EML5: variants seen among roughly 807,000 people sequenced by gnomAD.
EML5 encodes the protein EMAP like 5, also known as echinoderm microtubule-associated protein-like 5.
Under a neutral mutation model 250.0 loss-of-function variants are expected in EML5, and 120 were observed. The observed-to-expected ratio is 0.48, with a 90% confidence interval of 0.41 to 0.56. The LOEUF (loss-of-function observed/expected upper bound fraction) is 0.56, where lower values mean the gene tolerates loss of function less well. EML5 is among the 20% of genes least tolerant of loss of function. The pLI is 0.00. For synonymous variants in EML5, 771 were observed against 806.5 expected (o/e 0.96, Z 0.75); for missense variants, 2,006 against 2,437.6 (o/e 0.82, Z 3.73).
At chr14:88,619,083 A>G (rs2088328576) in intron 39 of EML5, 1 of 240,270 alleles carries the variant, frequency 4.2e-6, no homozygotes. Flanking sequence ...AAACTTTCTT[A>G]GGCCAGGCCC....
chr14:88,779,838 T>C (rs1231937870), intron 1 of EML5, among the ~76,000 whole-genome samples: 1 of 152,234 alleles, frequency 6.6e-6, no homozygotes, highest in Non-Finnish European at 1.5e-5. Flanking sequence ...AATGCATATA[T>C]GATACATTGT....
intron 21 of EML5, among the ~76,000 whole-genome samples, chr14:88,674,346 A>T (rs2092545202): frequency 6.6e-6 from 1 of 152,202 alleles, no homozygotes; most frequent in Admixed American, 6.6e-5. Flanking sequence ...ATTGACTCAC[A>T]GTTCTGTATT....
chr14:88,622,257 G>A (rs888794201), intron 37 of EML5: 3 of 188,070 alleles, frequency 1.6e-5, no homozygotes, highest in African/African-American at 2.3e-5. Flanking sequence ...TTTACTGCAC[G>A]TTTTATCTAG....
chr14:88,716,140 T>G (rs1351355466), intron 8 of EML5, among the ~76,000 whole-genome samples: 2 of 152,156 alleles, frequency 1.3e-5, no homozygotes, highest in Non-Finnish European at 2.9e-5. Context: ...CTGTTACACA[T>G]GTGCAAGAAT....
intron 10 of EML5, among the ~76,000 whole-genome samples, chr14:88,707,093 G>C (rs1418722581): frequency 6.6e-6 from 1 of 152,002 alleles, no homozygotes; most frequent in Non-Finnish European, 1.5e-5. Context: ...TTTGGGTAAG[G>C]GCAATGTTGT....
intron 29 of EML5, among the ~76,000 whole-genome samples, chr14:88,646,562 C>T (rs2140721263): frequency 6.6e-6 from 1 of 152,044 alleles, no homozygotes; most frequent in Non-Finnish European, 1.5e-5. Context: ...TAAATGTAAC[C>T]CAAACAATAA....
chr14:88,711,947 A>C (rs1158645487), intron 10 of EML5, among the ~76,000 whole-genome samples: 1 of 152,088 alleles, frequency 6.6e-6, no homozygotes, highest in African/African-American at 2.4e-5. Flanking sequence ...TGTCTCAAAA[A>C]AAAAAAAAAA....
intron 2 of EML5, among the ~76,000 whole-genome samples, chr14:88,749,329 T>G (rs566944830): frequency 6.6e-6 from 1 of 152,274 alleles, no homozygotes; most frequent in East Asian, 1.9e-4. Flanking sequence ...AATTGTATAC[T>G]AAGCAAAAAT....
At chr14:88,660,494 G>C (rs2092048984) in intron 25 of EML5, among the ~76,000 whole-genome samples, 1 of 152,098 alleles carries the variant, frequency 6.6e-6, no homozygotes, top group Non-Finnish European at 1.5e-5. Context: ...TGTAATCCTA[G>C]TACTTTGGGA....
intron 14 of EML5, among the ~76,000 whole-genome samples, chr14:88,697,688 ATAAT>A (rs1371619536): frequency 3.9e-5 from 6 of 152,288 alleles, no homozygotes; most frequent in Middle Eastern, 3.4e-3. Flanking sequence ...AACTCCTGAA[ATAAT>A]TAATAGAGCT....
Position 88,620,584 on chromosome 14 carries a change from C to T in EML5, c.5375+170G>A, listed in dbSNP as rs1555416263. On this transcript the variant is annotated intron_variant, in intron 39 of 43. Coordinates refer to ENST00000554922, the MANE Select transcript of EML5 (RefSeq NM_183387.3). The surrounding 1 kb of genome is among the most constrained non-coding windows in gnomAD (Gnocchi z 4.3). ...GGTGCCCAGTGGGTTTATAATTTAG[C>T]AAGAAGAATTAAGTAGTATACAAAC... The T allele has an allele frequency of 1.9e-6, 1 of 514,328 alleles. No homozygotes were observed. The highest frequency in any genetic ancestry group is 3.2e-6 in the Non-Finnish European group (1 of 314,354). The allele number at this position is 514,328 out of a possible 1,614,324, so 31.9% of individuals were successfully genotyped here.
intron 37 of EML5, chr14:88,622,064 A>G (rs1407103442): frequency 6.6e-6 from 2 of 303,680 alleles, no homozygotes; most frequent in South Asian, 5.6e-5. Context: ...AGTAACCACT[A>G]TTCTACTCTC....
intron 8 of EML5, among the ~76,000 whole-genome samples, chr14:88,715,714 G>C (rs186741864): frequency 2.7e-5 from 4 of 150,778 alleles, no homozygotes; most frequent in Admixed American, 2.6e-4. Context: ...CTGGAGTCCA[G>C]TGGCATGATC....
intron 9 of EML5, among the ~76,000 whole-genome samples, chr14:88,713,996 C>A (rs35093358): frequency 1.3e-5 from 2 of 151,548 alleles, no homozygotes; most frequent in African/African-American, 4.8e-5. Flanking sequence ...TACCACCATG[C>A]CTGGCTAGTT....
intron 1 of EML5, among the ~76,000 whole-genome samples, chr14:88,776,296 CAG>C (rs1227968585): frequency 6.6e-6 from 1 of 152,078 alleles, no homozygotes; most frequent in Non-Finnish European, 1.5e-5. Flanking sequence ...CCTGGAGGAA[CAG>C]AGAGATGTGG....
chr14:88,636,384 T>G (rs747906089), intron 32 of EML5, among the ~76,000 whole-genome samples: 2 of 152,154 alleles, frequency 1.3e-5, no homozygotes, highest in Admixed American at 6.5e-5. Flanking sequence ...AGCAAAAGGC[T>G]GGGCACGGTG....
chr14:88,674,141 T>G (rs773512579), intron 21 of EML5, among the ~76,000 whole-genome samples: 3 of 152,090 alleles, frequency 2.0e-5, no homozygotes, highest in Non-Finnish European at 4.4e-5. Flanking sequence ...TGGTAGCGCA[T>G]GTCTGTAATC....
chr14:88,618,267 T>C lies in EML5; in HGVS notation c.5603A>G (p.His1868Arg), dbSNP rs1423968239. 1 of 1,613,740 alleles carries C rather than the reference T, an allele frequency of 6.2e-7. No homozygotes were observed. The highest frequency in any genetic ancestry group is 8.5e-7 in the Non-Finnish European group (1 of 1,179,862). The change falls in exon 41 of 44, where the codon CAT becomes CGT. Residue 1868 changes from histidine to arginine, a missense_variant. This residue lies in a region of EML5 where 405 missense variants were observed against 523.3 expected (regional missense o/e 0.77). Coordinates refer to ENST00000554922, the MANE Select transcript of EML5 (RefSeq NM_183387.3). ...EVPSGKHLMD[H>R]AAIDRITWAT... ...CCAAGTAATTCTGTCAATAGCGGCA[T>C]GATCCATAAGATGTTTTCCTGAAGG... is the stretch of plus-strand genomic sequence containing the variant.
intron 21 of EML5, among the ~76,000 whole-genome samples, chr14:88,678,919 T>C (rs1425750328): frequency 6.6e-6 from 1 of 152,068 alleles, no homozygotes; most frequent in Non-Finnish European, 1.5e-5. Flanking sequence ...AGACTAGAAA[T>C]CTGAAATCAA....
Sources: gnomAD v4.1 joint callset for allele counts (sites outside exome capture counted in the v4.1 genomes callset) on GRCh38, gnomAD v4.1.1 for gene constraint, gnomAD v4.1.1 regional missense constraint, Gnocchi (gnomAD v3.1) non-coding constraint, MANE v1.5 for transcripts, NCBI Gene and HGNC (gene_info 2026-07-23, HGNC 2026-07-21) for gene names.